PLCXD3: variants seen among roughly 807,000 people sequenced by gnomAD.
The protein encoded by PLCXD3 is phosphatidylinositol specific phospholipase C X domain containing 3, also known as PI-PLC X domain-containing protein 3.
Under a neutral mutation model 25.5 loss-of-function variants are expected in PLCXD3, and 19 were observed. The ratio of observed to expected loss-of-function variants is 0.75; its 90% confidence interval spans 0.52 to 1.09. The LOEUF (loss-of-function observed/expected upper bound fraction) is 1.09, where lower values mean the gene tolerates loss of function less well. Ranked by LOEUF, PLCXD3 falls within the 50% of genes least tolerant of loss-of-function variation. PLCXD3 has a pLI of 0.00. For synonymous variants in PLCXD3, 174 were observed against 137.6 expected, an observed-to-expected ratio of 1.26 and a Z score of -1.85; for missense variants, 411 against 388.1, an observed-to-expected ratio of 1.06 and a Z score of -0.50.
At chr5:41,494,385 G>A (rs929800715) in intron 1 of PLCXD3, among the ~76,000 whole-genome samples, 1 of 152,192 alleles carries the variant, frequency 6.6e-6, no homozygotes, top group African/African-American at 2.4e-5. Context: ...GCCACATTAG[G>A]ACTGTAATAG....
intron 1 of PLCXD3, among the ~76,000 whole-genome samples, chr5:41,494,963 A>T (rs1047238398): frequency 3.3e-5 from 5 of 152,236 alleles, no homozygotes; most frequent in African/African-American, 1.2e-4. Flanking sequence ...GAGTAATGTC[A>T]GCAAGATGGC....
chr5:41,424,199 G>T (rs928463586), intron 1 of PLCXD3, among the ~76,000 whole-genome samples: 5 of 152,012 alleles, frequency 3.3e-5, no homozygotes, highest in Non-Finnish European at 1.5e-5. Flanking sequence ...TGGGTTAGAT[G>T]ATTATATTAT....
intron 2 of PLCXD3, among the ~76,000 whole-genome samples, chr5:41,353,000 G>T (rs1263484473): frequency 1.3e-5 from 2 of 151,908 alleles, no homozygotes; most frequent in Non-Finnish European, 2.9e-5. Context: ...GGCTAAGAAG[G>T]TTTGCTAGAG....
intron 1 of PLCXD3, among the ~76,000 whole-genome samples, chr5:41,431,690 G>A (rs1394155683): frequency 6.6e-6 from 1 of 152,148 alleles, no homozygotes; most frequent in Non-Finnish European, 1.5e-5. Flanking sequence ...CAGATTAAAT[G>A]TGGAGTATTT....
In PLCXD3 at chr5:41,510,493, A is replaced by T; in HGVS notation, c.34T>A (p.Leu12Ile). ...ASSQGKNELK[L>I]ADWMATLPES... ...GGCAGAGTTGCCATCCAGTCGGCTA[A>T]TTTCAGCTCGTTTTTCCCCTGAGAC... The change falls in exon 1 of 3, where the codon TTA becomes ATA. Residue 12 changes from leucine to isoleucine, a missense_variant. Coordinates refer to ENST00000377801, the MANE Select transcript of PLCXD3 (RefSeq NM_001005473.3). 1 of 1,613,216 alleles carries T rather than the reference A, an allele frequency of 6.2e-7. No homozygotes were observed. The highest frequency in any genetic ancestry group is 1.7e-4 in the Middle Eastern group (1 of 6,060).
At chr5:41,332,037 G>A (rs1743829481) in intron 2 of PLCXD3, among the ~76,000 whole-genome samples, 2 of 152,092 alleles carry the variant, frequency 1.3e-5, no homozygotes, top group Non-Finnish European at 2.9e-5. Context: ...GCATGAGCAA[G>A]GACTTCATGT....
At chr5:41,457,987 A>G (rs547798224) in intron 1 of PLCXD3, among the ~76,000 whole-genome samples, 1 of 151,902 alleles carries the variant, frequency 6.6e-6, no homozygotes, top group Non-Finnish European at 1.5e-5. Context: ...AAAGAAAAAA[A>G]TAGAAGCACC....
intron 2 of PLCXD3, among the ~76,000 whole-genome samples, chr5:41,323,978 T>A (rs1455594407): frequency 6.6e-6 from 1 of 152,118 alleles, no homozygotes; most frequent in Non-Finnish European, 1.5e-5. Flanking sequence ...AAGTGGCAGG[T>A]AAGTACAGGT....
At chr5:41,453,219 C>T (rs1221655850) in intron 1 of PLCXD3, among the ~76,000 whole-genome samples, 2 of 151,874 alleles carry the variant, frequency 1.3e-5, no homozygotes, top group Non-Finnish European at 2.9e-5. Context: ...ATGACTTTGA[C>T]ATTTTTAGAT....
chr5:41,450,868 G>A (rs1220717192), intron 1 of PLCXD3, among the ~76,000 whole-genome samples: 1 of 152,094 alleles, frequency 6.6e-6, no homozygotes, highest in Non-Finnish European at 1.5e-5. Flanking sequence ...GGAAAAGAAG[G>A]AGATGGATTG....
chr5:41,480,274 G>GAGTC (rs1748376060), intron 1 of PLCXD3, among the ~76,000 whole-genome samples: 1 of 152,112 alleles, frequency 6.6e-6, no homozygotes, highest in Non-Finnish European at 1.5e-5. Context: ...AAGGACCAAT[G>GAGTC]AGTCACCCAT....
chr5:41,439,473 T>C (rs1747330250), intron 1 of PLCXD3, among the ~76,000 whole-genome samples: 1 of 151,382 alleles, frequency 6.6e-6, no homozygotes, highest in Non-Finnish European at 1.5e-5. Context: ...TCTTTTTAAA[T>C]GTTTTTTTTT....
intron 1 of PLCXD3, among the ~76,000 whole-genome samples, chr5:41,484,414 T>TG (rs2150523649): frequency 6.6e-6 from 1 of 152,306 alleles, no homozygotes; most frequent in African/African-American, 2.4e-5. Flanking sequence ...TCCTTGCATT[T>TG]CTAGGCTTTG....
At position 41,493,799 on chromosome 5, in the gene PLCXD3, A is replaced by G. The variant is rs541802854; in HGVS notation, c.103+16625T>C. ...TTTAAGCCCGTCGGAAAAGCGCAGTATTGGGGTGGGAGTGACCCGATTTTC... is the reference window on the plus strand; with the variant it reads ...TTTAAGCCCGTCGGAAAAGCGCAGTGTTGGGGTGGGAGTGACCCGATTTTC... On this transcript the variant is annotated intron_variant, in intron 1 of 2. Transcript: ENST00000377801. Among the ~76,000 whole-genome samples the G allele has an allele frequency of 1.1e-4, 17 of 152,266 alleles. No individual in the cohort carries two copies. The East Asian group carries it at 2.7e-3, about 24-fold the overall frequency.
At chr5:41,457,599 T>C (rs1747781616) in intron 1 of PLCXD3, among the ~76,000 whole-genome samples, 1 of 151,936 alleles carries the variant, frequency 6.6e-6, no homozygotes, top group African/African-American at 2.4e-5. Context: ...GTACTTAAGC[T>C]GTCTATATTC....
At chr5:41,398,371 C>T (rs929193456) in intron 1 of PLCXD3, among the ~76,000 whole-genome samples, 1 of 152,140 alleles carries the variant, frequency 6.6e-6, no homozygotes, top group African/African-American at 2.4e-5. Context: ...AATCTGCTTG[C>T]TTTCCCTTCA....
chr5:41,429,491 T>C (rs192901614), intron 1 of PLCXD3, among the ~76,000 whole-genome samples: 6 of 152,242 alleles, frequency 3.9e-5, no homozygotes, highest in Admixed American at 3.9e-4. Flanking sequence ...CAAAGATTGA[T>C]TAAACAGGAC....
chr5:41,428,983 C>T (rs967670097), intron 1 of PLCXD3, among the ~76,000 whole-genome samples: 3 of 152,062 alleles, frequency 2.0e-5, no homozygotes, highest in African/African-American at 7.2e-5. Context: ...TACGGACTGA[C>T]TTGGAGGAAC....
At chr5:41,408,589 C>T (rs1204005920) in intron 1 of PLCXD3, among the ~76,000 whole-genome samples, 3 of 152,036 alleles carry the variant, frequency 2.0e-5, no homozygotes, top group South Asian at 2.1e-4. Flanking sequence ...GTTGACAGAA[C>T]ATTTATTAAT....
Sources: allele counts gnomAD v4.1 joint callset (sites outside exome capture counted in the v4.1 genomes callset), GRCh38; gene constraint gnomAD v4.1.1; transcripts MANE v1.5; gene names NCBI Gene and HGNC (gene_info 2026-07-23, HGNC 2026-07-21).